ELMO1: variants seen among roughly 807,000 people sequenced by gnomAD.
ELMO1 encodes the protein engulfment and cell motility 1, also known as engulfment and cell motility protein 1.
ELMO1 carries 26 observed loss-of-function variants against 98.9 expected under a neutral mutation model. The observed-to-expected ratio is 0.26, with a 90% CI of 0.19 to 0.36. The LOEUF (loss-of-function observed/expected upper bound fraction) is 0.36, where lower values mean the gene tolerates loss of function less well. ELMO1 is among the 10% of genes least tolerant of loss of function. ELMO1 has a pLI of 1.00. For synonymous variants in ELMO1, 346 were observed against 346.0 expected, an observed-to-expected ratio of 1.00 and a Z score of 0.00; for missense variants, 627 against 935.2, an observed-to-expected ratio of 0.67 and a Z score of 4.30.
intron 4 of ELMO1, among the ~76,000 whole-genome samples, chr7:37,289,158 T>C (rs541414878): frequency 6.6e-6 from 1 of 152,312 alleles, no homozygotes; most frequent in South Asian, 2.1e-4. Flanking sequence ...TTTGAGTGAA[T>C]AGAATGAATA....
At chr7:36,984,619 T>A (rs1272001781) in intron 16 of ELMO1, among the ~76,000 whole-genome samples, 4 of 152,218 alleles carry the variant, frequency 2.6e-5, no homozygotes, top group Non-Finnish European at 5.9e-5. Context: ...GGACATTTTT[T>A]AAAAAGGACA....
intron 5 of ELMO1, among the ~76,000 whole-genome samples, chr7:37,259,631 T>C (rs907104951): frequency 1.3e-5 from 2 of 152,164 alleles, no homozygotes; most frequent in African/African-American, 4.8e-5. Context: ...ACAAGAATAT[T>C]AAAGCCCTAG....
intron 4 of ELMO1, among the ~76,000 whole-genome samples, chr7:37,291,408 C>T (rs944020425): frequency 1.8e-4 from 28 of 151,918 alleles, no homozygotes; most frequent in African/African-American, 6.8e-4. Flanking sequence ...TGACAAAAGA[C>T]ACAATAGAAA....
At chr7:37,106,470 CAG>C (rs974344081) in intron 14 of ELMO1, among the ~76,000 whole-genome samples, 4 of 152,148 alleles carry the variant, frequency 2.6e-5, no homozygotes, top group African/African-American at 9.7e-5. Context: ...ATAGAGAGCA[CAG>C]CCCTTACCAG....
chr7:36,935,279 A>G (rs982716293), intron 16 of ELMO1, among the ~76,000 whole-genome samples: 4 of 152,150 alleles, frequency 2.6e-5, no homozygotes, highest in African/African-American at 9.7e-5. Flanking sequence ...ACCTTCTGCC[A>G]TGATGGTGAG....
chr7:37,391,050 TCCTTCCTTCCTC>T (rs1398733774), intron 1 of ELMO1, among the ~76,000 whole-genome samples: 26 of 134,736 alleles, frequency 1.9e-4, no homozygotes, highest in Admixed American at 8.3e-4. Context: ...CTTCCTTCCT[TCCTTCCTTCCTC>T]CCTCCCTCCC....
At chr7:36,924,366 TCCCAGCGAGGG>T (rs1310399597) in intron 16 of ELMO1, among the ~76,000 whole-genome samples, 1 of 152,108 alleles carries the variant, frequency 6.6e-6, no homozygotes, top group East Asian at 1.9e-4. Context: ...TGTAGGTGCT[TCCCAGCGAGGG>T]CCCTCCTGCT....
intron 4 of ELMO1, among the ~76,000 whole-genome samples, chr7:37,294,952 A>G (rs201677100): frequency 2.0e-5 from 3 of 151,866 alleles, no homozygotes; most frequent in East Asian, 1.9e-4. Context: ...ATGAGCCACA[A>G]TCCGCCATCG....
At chr7:37,015,752 C>T (rs1265075240) in intron 15 of ELMO1, among the ~76,000 whole-genome samples, 1 of 152,152 alleles carries the variant, frequency 6.6e-6, no homozygotes, top group African/African-American at 2.4e-5. Context: ...GTGGTGATGA[C>T]AATAAATATT....
At chr7:36,868,348 C>CTTTT (rs70977202) in intron 20 of ELMO1, among the ~76,000 whole-genome samples, 2 of 140,636 alleles carry the variant, frequency 1.4e-5, no homozygotes, top group Non-Finnish European at 1.5e-5. Flanking sequence ...TCTTCTTCTT[C>CTTTT]TTTTTTTTTT....
At chr7:37,371,854 G>A (rs1002268629) in intron 1 of ELMO1, among the ~76,000 whole-genome samples, 2 of 152,178 alleles carry the variant, frequency 1.3e-5, no homozygotes, top group African/African-American at 4.8e-5. Context: ...AAGAGCAGCC[G>A]ATTTCCGTTG....
intron 13 of ELMO1, among the ~76,000 whole-genome samples, chr7:37,192,298 C>T (rs573240855): frequency 2.0e-5 from 3 of 152,042 alleles, no homozygotes; most frequent in African/African-American, 4.8e-5. Context: ...AGATCGAGAC[C>T]ATCTTGGTCA....
chr7:36,871,888 A>G (rs6965152), intron 19 of ELMO1, among the ~76,000 whole-genome samples: 24,953 of 152,120 alleles, frequency 0.16, 2,580 homozygotes, highest in African/African-American at 0.28. Flanking sequence ...AACTTTGTCC[A>G]TATCTGTTGA....
At chr7:37,109,447 C>G (rs1785118109) in intron 14 of ELMO1, among the ~76,000 whole-genome samples, 1 of 152,188 alleles carries the variant, frequency 6.6e-6, no homozygotes, top group South Asian at 2.1e-4. Context: ...AGGGAGCCAA[C>G]TCCCACAGCA....
intron 1 of ELMO1, among the ~76,000 whole-genome samples, chr7:37,410,702 A>G (rs1244202272): frequency 6.6e-6 from 1 of 152,244 alleles, no homozygotes; most frequent in Non-Finnish European, 1.5e-5. Context: ...AATGAGAAAA[A>G]CTAGGGCCCA....
At chr7:37,441,216 C>T (rs906178719) in intron 1 of ELMO1, among the ~76,000 whole-genome samples, 3 of 142,094 alleles carry the variant, frequency 2.1e-5, no homozygotes, top group Middle Eastern at 7.0e-3. Context: ...TGTAAGAAGG[C>T]GGCTGCCTAG....
chr7:37,243,887 T>C (rs1010435099), intron 7 of ELMO1, among the ~76,000 whole-genome samples: 7 of 152,226 alleles, frequency 4.6e-5, no homozygotes, highest in African/African-American at 1.7e-4. Flanking sequence ...AGATAGGTGA[T>C]CGAGCACTTT....
intron 13 of ELMO1, among the ~76,000 whole-genome samples, chr7:37,148,225 T>C (rs1397593678): frequency 6.6e-6 from 1 of 152,176 alleles, no homozygotes. Context: ...AAAACAAAAA[T>C]AGTACCTGCC....
At chr7:36,931,325 C>A (rs985617866) in intron 16 of ELMO1, among the ~76,000 whole-genome samples, 1 of 152,202 alleles carries the variant, frequency 6.6e-6, no homozygotes, top group Non-Finnish European at 1.5e-5. Context: ...TCAGGCCAGG[C>A]ATGGTGGCTC....
Sources: allele counts gnomAD v4.1 joint callset (sites outside exome capture counted in the v4.1 genomes callset), GRCh38; gene constraint gnomAD v4.1.1; transcripts MANE v1.5; gene names NCBI Gene and HGNC (gene_info 2026-07-23, HGNC 2026-07-21).